Variants in SLC2A12 observed in about 807,000 individuals in gnomAD.
SLC2A12 encodes solute carrier family 2, facilitated glucose transporter member 12.
In SLC2A12, 23 loss-of-function variants were observed where a neutral mutation model predicts 41.8. That is an observed-to-expected ratio of 0.55 (90% CI 0.40 to 0.78). The LOEUF (loss-of-function observed/expected upper bound fraction) is 0.78. Among genes scored for constraint, SLC2A12 ranks in the 30% least tolerant of loss-of-function variants. SLC2A12 has a pLI of 0.00. For synonymous variants in SLC2A12, 295 were observed against 285.9 expected (o/e 1.03, Z -0.32); for missense variants, 654 against 745.6 (o/e 0.88, Z 1.43).
intron 1 of SLC2A12, among the ~76,000 whole-genome samples, chr6:134,032,454 A>ATATATT (rs1777229017): frequency 2.4e-4 from 9 of 37,090 alleles, no homozygotes; most frequent in African/African-American, 1.0e-3. Flanking sequence ...ATATAAATAT[A>ATATATT]TATATATATA....
intron 3 of SLC2A12, among the ~76,000 whole-genome samples, chr6:134,003,461 C>T (rs2114428296): frequency 6.6e-6 from 1 of 152,304 alleles, no homozygotes; most frequent in African/African-American, 2.4e-5. Context: ...TTCACGAAGC[C>T]TCTTACTGCC....
intron 1 of SLC2A12, among the ~76,000 whole-genome samples, chr6:134,033,544 T>C (rs1197160454): frequency 6.6e-6 from 1 of 152,138 alleles, no homozygotes; most frequent in Admixed American, 6.5e-5. Context: ...GTCTCTGATA[T>C]TCTGATTGGA....
intron 1 of SLC2A12, among the ~76,000 whole-genome samples, chr6:134,043,927 G>A (rs1777420435): frequency 6.6e-6 from 1 of 151,946 alleles, no homozygotes; most frequent in Non-Finnish European, 1.5e-5. Context: ...AGGAAGCTGT[G>A]CCTGCTGCCA....
intron 4 of SLC2A12, among the ~76,000 whole-genome samples, chr6:133,998,239 G>A (rs1776718263): frequency 6.6e-6 from 1 of 152,086 alleles, no homozygotes; most frequent in Non-Finnish European, 1.5e-5. Context: ...ATGTTCTTAA[G>A]GAATATCTTA....
At chr6:134,006,113 A>G (rs1776809749) in intron 3 of SLC2A12, among the ~76,000 whole-genome samples, 1 of 147,588 alleles carries the variant, frequency 6.8e-6, no homozygotes, top group African/African-American at 2.5e-5. Flanking sequence ...CGGAGGTTAC[A>G]GTGAGCCGAG....
intron 2 of SLC2A12, among the ~76,000 whole-genome samples, chr6:134,014,959 T>C (rs1253484622): frequency 1.3e-5 from 2 of 152,264 alleles, no homozygotes; most frequent in Admixed American, 6.5e-5. Context: ...ATTAGCTAAG[T>C]GCATCTAGTT....
intron 3 of SLC2A12, among the ~76,000 whole-genome samples, chr6:134,003,535 A>G (rs777906737): frequency 3.3e-5 from 5 of 152,180 alleles, no homozygotes; most frequent in Non-Finnish European, 1.5e-5. Flanking sequence ...TGCCTTTCAG[A>G]GGCTGTGCTT....
chr6:134,034,926 C>G (rs1282254892), intron 1 of SLC2A12, among the ~76,000 whole-genome samples: 4 of 152,100 alleles, frequency 2.6e-5, no homozygotes, highest in Non-Finnish European at 4.4e-5. Flanking sequence ...CACCCCAGTT[C>G]TCCCAAAAAG....
intron 1 of SLC2A12, among the ~76,000 whole-genome samples, chr6:134,032,597 A>T (rs1777234915): frequency 6.8e-6 from 1 of 146,136 alleles, no homozygotes; most frequent in Non-Finnish European, 1.5e-5. Flanking sequence ...CTTCCCTATT[A>T]TATGCTTTAA....
chr6:134,006,858 G>T lies in SLC2A12; in HGVS notation c.1521C>A (p.Asn507Lys), dbSNP rs1227393131. 6.2e-7 allele frequency: 1 copy of T among 1,614,070 alleles called. No individual in the cohort carries two copies. The highest frequency in any genetic ancestry group is 2.2e-5 in the East Asian group (1 of 44,884). Residue 507 changes from asparagine (N) to lysine (K), a missense_variant, in exon 3 of 5, where the codon AAC (asparagine) becomes AAA (lysine). Around this residue, in one of 3 missense-constraint regions of SLC2A12, gnomAD observed 134 missense variants for 180.5 expected, o/e 0.74. Transcript: ENST00000275230. ...GCGAGATGAGGAGATTGATGCCCCA[G>T]TTCATGCTAGAAGTTAAAGCCATGG... is the stretch of plus-strand genomic sequence containing the variant. ...GRAMALTSSMNWGINLLISLT... is the reference protein window; with the variant it reads ...GRAMALTSSMKWGINLLISLT...
At chr6:134,031,332 C>T (rs2114483304) in intron 1 of SLC2A12, among the ~76,000 whole-genome samples, 1 of 152,216 alleles carries the variant, frequency 6.6e-6, no homozygotes, top group South Asian at 2.1e-4. Flanking sequence ...GCAGAGGTTG[C>T]AGTGAGCTGA....
At chr6:134,046,241 C>T (rs979684198) in intron 1 of SLC2A12, among the ~76,000 whole-genome samples, 4 of 152,178 alleles carry the variant, frequency 2.6e-5, no homozygotes, top group African/African-American at 9.7e-5. Context: ...AGCTCCAGAG[C>T]CCAGTGATGC....
At chr6:134,019,892 G>T (rs1031344918) in intron 2 of SLC2A12, among the ~76,000 whole-genome samples, 1 of 152,086 alleles carries the variant, frequency 6.6e-6, no homozygotes, top group African/African-American at 2.4e-5. Flanking sequence ...CCTGGTGGTA[G>T]TGCACAACTG....
intron 4 of SLC2A12, among the ~76,000 whole-genome samples, chr6:133,994,223 C>T (rs1239401780): frequency 1.3e-5 from 2 of 152,050 alleles, no homozygotes; most frequent in African/African-American, 2.4e-5. Flanking sequence ...CCAAAGTAGT[C>T]GGATAACATT....
Position 134,028,555 on chromosome 6 carries a change from T to G in SLC2A12, c.1270A>C (p.Asn424His). 6.2e-7 allele frequency: 1 copy of G among 1,614,190 alleles called. No homozygotes were observed. The highest frequency in any genetic ancestry group is 8.5e-7 in the Non-Finnish European group (1 of 1,180,032). The stretch of plus-strand genomic sequence containing the variant: ...GTCTCCCCTCTCTTATCCACATCAT[T>G]TCTCAGGGGCATGAGTGAGCTTCTG... ...HSRSSLMPLR[N>H]DVDKRGETTS... Residue 424 changes from asparagine to histidine, a missense_variant, in exon 2 of 5, where the codon AAT becomes CAT. Transcript: ENST00000275230.
chr6:134,032,405 A>AATATATATATATATATATATATATATAT (rs1170558623), intron 1 of SLC2A12, among the ~76,000 whole-genome samples: 2 of 118,078 alleles, frequency 1.7e-5, no homozygotes, highest in African/African-American at 8.9e-5. Context: ...TACAGGGAGA[A>AATATATATATATATATATATATATATAT]ATATATATAT....
At position 134,040,060 on chromosome 6, in the gene SLC2A12, T is replaced by TG. The variant is rs887584706; in HGVS notation, c.104-10340_104-10339insC. On this transcript the variant is annotated intron_variant, in intron 1 of 4. Coordinates refer to ENST00000275230, the MANE Select transcript of SLC2A12 (RefSeq NM_145176.3). ...CCAATCTCAGGTTGTTGTTTTTTGTTTTTTTTTTTTTGTTTTTTGTTTTTT... is the reference window on the plus strand; with the variant it reads ...CCAATCTCAGGTTGTTGTTTTTTGTTGTTTTTTTTTTTGTTTTTTGTTTTTT... Among the ~76,000 whole-genome samples, 228 of 144,998 alleles carry TG rather than the reference T, an allele frequency of 1.6e-3. 1 individual carries two copies. The highest frequency in any genetic ancestry group is 4.7e-3 in the South Asian group (22 of 4,646).
At chr6:134,032,440 ATATATATAAATATATATATATATATTTT>A (rs1562201650) in intron 1 of SLC2A12, among the ~76,000 whole-genome samples, 687 of 38,398 alleles carry the variant, frequency 0.018, 11 homozygotes, top group Middle Eastern at 0.049. Context: ...ATATATATAT[ATATATATAAATATATATATATATATTTT>A]TATATATATA....
intron 4 of SLC2A12, among the ~76,000 whole-genome samples, chr6:133,996,658 A>G (rs1776691220): frequency 6.6e-6 from 1 of 152,172 alleles, no homozygotes; most frequent in South Asian, 2.1e-4. Flanking sequence ...TTGGTGACAA[A>G]AGTTGATTCA....
Sources: allele counts gnomAD v4.1 joint callset (sites outside exome capture counted in the v4.1 genomes callset), GRCh38; gene constraint gnomAD v4.1.1; regional missense constraint gnomAD v4.1.1; transcripts MANE v1.5; gene names NCBI Gene and HGNC (gene_info 2026-07-23, HGNC 2026-07-21).